SETD7: variants seen among roughly 807,000 people sequenced by gnomAD.
SETD7 encodes the protein SET domain containing 7, histone lysine methyltransferase, also known as histone-lysine N-methyltransferase SETD7.
A neutral mutation model predicts 41.8 loss-of-function variants in SETD7; 16 were observed. The ratio of observed to expected loss-of-function variants is 0.38; its 90% CI spans 0.26 to 0.58. The LOEUF (loss-of-function observed/expected upper bound fraction) is 0.58. Ranked by LOEUF, SETD7 falls within the 20% of genes least tolerant of loss-of-function variation. SETD7 has a pLI of 0.64. For synonymous variants in SETD7, 163 were observed against 169.7 expected (o/e 0.96, Z 0.31); for missense variants, 346 against 459.7 (o/e 0.75, Z 2.26).
chr4:139,548,065 G>A (rs1392296635), intron 1 of SETD7: 2 of 152,200 alleles, frequency 1.3e-5, no homozygotes, highest in Non-Finnish European at 2.9e-5. Context: ...TTTTGCAGAG[G>A]TGGGTGAAAA....
At chr4:139,496,273 T>C in exon 8 of SETD7, 1 of 605,352 alleles carries the variant, frequency 1.7e-6, no homozygotes, top group East Asian at 2.9e-5. Flanking sequence ...AGTGCGATTT[T>C]GAGTTCTTGA....
At chr4:139,493,950 G>T (rs1726403078), downstream of SETD7, among the ~76,000 whole-genome samples, 1 of 152,110 alleles carries the variant, frequency 6.6e-6, no homozygotes, top group Admixed American at 6.5e-5. Context: ...TTTTCTGGAG[G>T]CTCACTCAGT....
downstream of SETD7, among the ~76,000 whole-genome samples, chr4:139,504,489 G>A (rs186156191): frequency 9.9e-5 from 15 of 151,972 alleles, no homozygotes; most frequent in Non-Finnish European, 2.1e-4. Flanking sequence ...TTCAAGAGGA[G>A]GAATGGAATT....
At chr4:139,541,894 AATAG>A (rs1329740106) in intron 2 of SETD7, among the ~76,000 whole-genome samples, 7 of 152,238 alleles carry the variant, frequency 4.6e-5, no homozygotes, top group Middle Eastern at 3.2e-3. Flanking sequence ...CTGATTTAGA[AATAG>A]ATAGCTATTT....
At chr4:139,552,342 T>C (rs1728133652) in intron 1 of SETD7, among the ~76,000 whole-genome samples, 1 of 152,180 alleles carries the variant, frequency 6.6e-6, no homozygotes, top group Non-Finnish European at 1.5e-5. Flanking sequence ...GTTCTGATAT[T>C]TCCCCTTTTT....
At chr4:139,522,809 A>G (rs999122132) in intron 5 of SETD7, among the ~76,000 whole-genome samples, 2 of 132,930 alleles carry the variant, frequency 1.5e-5, no homozygotes, top group East Asian at 4.7e-4. Flanking sequence ...GCTGGAGTGC[A>G]GTGGCATGAT....
Position 139,496,475 on chromosome 4 carries a change from C to T in SETD7, c.967G>A (p.Ala323Thr), listed in dbSNP as rs537379897. ...AGATGTGGGATCTTTGGGAGTGGAG[C>T]CCCAAATCTGCTTCTTTTACACGTT... is the stretch of plus-strand genomic sequence containing the variant. The change falls in exon 8 of 8, where the codon GCT (alanine) becomes ACT (threonine). Residue 323 changes from alanine to threonine, a missense_variant. Transcript: ENST00000506866. 15 of 702,384 alleles carry T rather than the reference C, an allele frequency of 2.1e-5. No individual in the cohort carries two copies. In the East Asian group the frequency reaches 3.8e-4, roughly 18 times the overall value. The allele number at this position is 702,384 out of a possible 1,614,324, so 43.5% of individuals were successfully genotyped here.
intron 3 of SETD7, 41 bp from the exon 4 acceptor site, chr4:139,529,261 T>C: frequency 1.3e-6 from 2 of 1,536,656 alleles, no homozygotes; most frequent in Non-Finnish European, 1.8e-6. Flanking sequence ...TTATATATAG[T>C]ATGTCTAGGA....
Position 139,555,940 on chromosome 4 carries a change from G to C in SETD7, c.40+158C>G, listed in dbSNP as rs1380545256. 6.6e-6 allele frequency among the ~76,000 whole-genome samples: 1 copy of C among 151,784 alleles called. No homozygotes were observed. Among genetic ancestry groups the C allele is most frequent in the Non-Finnish European group, 1.5e-5 (1 of 67,898 alleles). The stretch of plus-strand genomic sequence containing the variant: ...AGTGCGCGCTCCCGGCGGCGTGACC[G>C]TGGCTGTCGGGCCCCCGCCCGAGCC... On this transcript the variant is annotated intron_variant, in intron 1 of 7. Coordinates refer to ENST00000274031, the MANE Select transcript of SETD7 (RefSeq NM_030648.4). This position sits in a 1 kb window ranked among gnomAD's most constrained non-coding sequence, Gnocchi z 4.0.
chr4:139,536,860 G>A lies in SETD7; in HGVS notation c.171-3494C>T, dbSNP rs1382679063. Among the ~76,000 whole-genome samples, 7 of 152,024 alleles carry A rather than the reference G, an allele frequency of 4.6e-5. 1 individual carries two copies. Among genetic ancestry groups the A allele is most frequent in the East Asian group, 1.9e-4 (1 of 5,174 alleles). The stretch of plus-strand genomic sequence containing the variant: ...TCCACTAAAAATACAAAAATTAGCC[G>A]GACATGGTGGCAGGCACCTGTAACC... On this transcript the variant is annotated intron_variant, in intron 2 of 7. Transcript: ENST00000274031.
In SETD7 at chr4:139,539,714, A is replaced by C. The variant is rs1409746942; in HGVS notation, c.171-6348T>G. Reference sequence around the variant, plus strand: ...CCCCAAATTCCTGTGTTGAACTCCTAACACCCAATATGATGGTATTAAGAG... The same window carrying C: ...CCCCAAATTCCTGTGTTGAACTCCTCACACCCAATATGATGGTATTAAGAG... On this transcript the variant is annotated intron_variant, in intron 2 of 7. Coordinates refer to ENST00000274031, the MANE Select transcript of SETD7 (RefSeq NM_030648.4). 3.3e-5 allele frequency among the ~76,000 whole-genome samples: 5 copies of C among 152,214 alleles called. No individual in the cohort carries two copies. The East Asian group carries it at 9.6e-4, about 29-fold the overall frequency.
intron 2 of SETD7, among the ~76,000 whole-genome samples, chr4:139,538,788 A>T (rs1298210026): frequency 6.6e-6 from 1 of 152,202 alleles, no homozygotes; most frequent in Non-Finnish European, 1.5e-5. Flanking sequence ...AAATTACAAA[A>T]ATGGTCTTGC....
intron 5 of SETD7, among the ~76,000 whole-genome samples, chr4:139,520,756 T>C (rs1361014783): frequency 1.3e-5 from 2 of 152,228 alleles, no homozygotes; most frequent in Non-Finnish European, 2.9e-5. Flanking sequence ...TCAAAGTTAA[T>C]TAAAGCTATA....
chr4:139,544,979 G>C (rs937311296), intron 2 of SETD7, among the ~76,000 whole-genome samples: 1 of 152,118 alleles, frequency 6.6e-6, no homozygotes, highest in Admixed American at 6.5e-5. Context: ...CACAGATTCT[G>C]CCCTCAAGGA....
intron 2 of SETD7, among the ~76,000 whole-genome samples, chr4:139,536,602 C>A (rs907829572): frequency 1.3e-5 from 2 of 151,974 alleles, no homozygotes; most frequent in East Asian, 3.9e-4. Flanking sequence ...ATCACAGCTA[C>A]TCAGGAGGGT....
intron 1 of SETD7, among the ~76,000 whole-genome samples, chr4:139,554,258 G>A (rs1022497406): frequency 3.9e-5 from 6 of 152,052 alleles, no homozygotes; most frequent in East Asian, 1.9e-4. Flanking sequence ...CCCTGTTTTC[G>A]AATCCAGTGG....
intron 3 of SETD7, chr4:139,532,910 A>T: frequency 1.8e-6 from 1 of 553,766 alleles, no homozygotes. Flanking sequence ...AATTTGTCTC[A>T]ATTTGTTTTA....
chr4:139,513,289 G>A (rs774533986), intron 7 of SETD7, among the ~76,000 whole-genome samples: 26 of 151,570 alleles, frequency 1.7e-4, no homozygotes, highest in Non-Finnish European at 2.7e-4. Context: ...GTGTGGTGGC[G>A]CACACCTGTA....
At chr4:139,527,622 G>A (rs1026394960) in intron 4 of SETD7, among the ~76,000 whole-genome samples, 2 of 152,042 alleles carry the variant, frequency 1.3e-5, no homozygotes, top group African/African-American at 4.8e-5. Flanking sequence ...AGTTGTTATG[G>A]GCCCATGACT....
Sources: allele counts gnomAD v4.1 joint callset (sites outside exome capture counted in the v4.1 genomes callset), GRCh38; gene constraint gnomAD v4.1.1; non-coding constraint Gnocchi (gnomAD v3.1); transcripts MANE v1.5; gene names NCBI Gene and HGNC (gene_info 2026-07-23, HGNC 2026-07-21).